KCNH1: variants seen among roughly 807,000 people sequenced by gnomAD.
KCNH1 encodes potassium voltage-gated channel subfamily H member 1.
A neutral mutation model predicts 69.2 loss-of-function variants in KCNH1; 27 were observed. That is an observed-to-expected ratio of 0.39 (90% CI 0.29 to 0.54). The LOEUF (loss-of-function observed/expected upper bound fraction) is 0.54, where lower values mean the gene tolerates loss of function less well. Ranked by LOEUF, KCNH1 falls within the 20% of genes least tolerant of loss-of-function variation. The pLI is 0.68. For missense variants in KCNH1, 798 were observed against 1,261.6 expected (o/e 0.63, Z 5.57); for synonymous variants, 456 against 487.7 (o/e 0.93, Z 0.86).
At position 210,927,016 on chromosome 1, in the gene KCNH1, CAAAGA is replaced by C. The variant is rs552345250; in HGVS notation, c.1033-6952_1033-6948del. Among the ~76,000 whole-genome samples, 691 of 152,004 alleles carry C rather than the reference CAAAGA, an allele frequency of 4.5e-3. 4 individuals are homozygous for C. The highest frequency in any genetic ancestry group is 8.1e-3 in the Non-Finnish European group (550 of 67,928). On this transcript the variant is annotated intron_variant, in intron 6 of 10. Transcript: ENST00000271751. ...TCAAATTAACCCAATCCAACAAAAACAAAGAAAAAAGAATTTTAAAAAATGAACAA... is the reference window on the plus strand; with the variant it reads ...TCAAATTAACCCAATCCAACAAAAACAAAAAGAATTTTAAAAAATGAACAA...
rs975717403 is a variant in KCNH1, at chr1:210,919,974, A to C, written c.1128T>G (p.Ala376=). 1 of 1,614,062 alleles carries C rather than the reference A, an allele frequency of 6.2e-7. No individual in the cohort carries two copies. The highest frequency in any genetic ancestry group is 1.3e-5 in the African/African-American group (1 of 74,926). ...CACACACCAGCAGGACCAGCACAGCAGCTCCATATTCAATGTAGTGGTCCA... is the reference window on the plus strand; with the variant it reads ...CACACACCAGCAGGACCAGCACAGCCGCTCCATATTCAATGTAGTGGTCCA... ...RKLDHYIEYG[A]AVLVLLVCVF... The change falls in exon 7 of 11, where the codon GCT becomes GCG. Residue 376 remains alanine (A), a synonymous_variant. Coordinates refer to ENST00000271751, the MANE Select transcript of KCNH1 (RefSeq NM_172362.3). The surrounding 1 kb of genome is among the most constrained non-coding windows in gnomAD (Gnocchi z 4.2).
At chr1:210,988,650 A>C (rs1282308631) in intron 6 of KCNH1, among the ~76,000 whole-genome samples, 1 of 152,238 alleles carries the variant, frequency 6.6e-6, no homozygotes, top group African/African-American at 2.4e-5. Context: ...ATGACGACTA[A>C]CTTGGGGAAC....
At chr1:210,972,926 C>A (rs866571252) in intron 6 of KCNH1, among the ~76,000 whole-genome samples, 47 of 134,144 alleles carry the variant, frequency 3.5e-4, no homozygotes, top group South Asian at 4.7e-4. Context: ...CCAAACGTCT[C>A]AAAAAAAAAA....
chr1:210,787,035 T>C (rs1050169833), intron 9 of KCNH1, among the ~76,000 whole-genome samples: 3 of 152,192 alleles, frequency 2.0e-5, no homozygotes, highest in Non-Finnish European at 4.4e-5. Flanking sequence ...GTTTCTGTCA[T>C]TCTTCTGCTT....
intron 5 of KCNH1, among the ~76,000 whole-genome samples, chr1:211,023,865 A>C (rs1689633827): frequency 6.6e-6 from 1 of 152,176 alleles, no homozygotes; most frequent in Non-Finnish European, 1.5e-5. Context: ...ATTTGATAGG[A>C]GGAATAAGTG....
intron 10 of KCNH1, among the ~76,000 whole-genome samples, chr1:210,752,708 G>A (rs1332027194): frequency 1.3e-5 from 2 of 152,142 alleles, no homozygotes; most frequent in Non-Finnish European, 2.9e-5. Context: ...GAAAGAGGAA[G>A]AGGAAAGGGA....
At chr1:211,064,119 T>G (rs531090711) in intron 5 of KCNH1, among the ~76,000 whole-genome samples, 54 of 152,236 alleles carry the variant, frequency 3.5e-4, no homozygotes, top group Non-Finnish European at 6.6e-4. Flanking sequence ...CAAAGACTGG[T>G]AACAATCCAA....
At chr1:211,008,576 CT>C (rs1262279382) in intron 6 of KCNH1, among the ~76,000 whole-genome samples, 1 of 152,224 alleles carries the variant, frequency 6.6e-6, no homozygotes, top group African/African-American at 2.4e-5. Flanking sequence ...AGATTACACA[CT>C]GAATCATTCC....
chr1:210,791,471 A>G (rs1400610401), intron 9 of KCNH1, among the ~76,000 whole-genome samples: 2 of 152,190 alleles, frequency 1.3e-5, no homozygotes, highest in Non-Finnish European at 2.9e-5. Context: ...TGCTCAGTCT[A>G]CTTTACTCAT....
At chr1:210,916,225 G>T (rs1487235329) in intron 7 of KCNH1, among the ~76,000 whole-genome samples, 1 of 152,184 alleles carries the variant, frequency 6.6e-6, no homozygotes, top group Non-Finnish European at 1.5e-5. Context: ...ATCAGCAGTT[G>T]TCCTGAACAA....
At position 211,092,197 on chromosome 1, in the gene KCNH1, C is replaced by G. The variant is rs911788515; in HGVS notation, c.311-1507G>C. On this transcript the variant is annotated intron_variant, in intron 3 of 10. Transcript: ENST00000271751. ...CAGAAAACTCACTGAATCTTGGAGA[C>G]GAAAATAGATCCTCAAGAGGTCACC... Among the ~76,000 whole-genome samples, 7 of 152,278 alleles carry G rather than the reference C, an allele frequency of 4.6e-5. No individual in the cohort carries two copies. In the East Asian group the frequency reaches 1.2e-3, roughly 25 times the overall value.
chr1:210,924,153 T>C (rs569885803), intron 6 of KCNH1, among the ~76,000 whole-genome samples: 31 of 152,228 alleles, frequency 2.0e-4, no homozygotes, highest in Non-Finnish European at 4.0e-4. Flanking sequence ...ATTCTCTCCA[T>C]GGCCCTGCCA....
At chr1:210,882,361 A>G (rs1322251728) in intron 7 of KCNH1, among the ~76,000 whole-genome samples, 3 of 152,170 alleles carry the variant, frequency 2.0e-5, no homozygotes, top group Admixed American at 2.0e-4. Flanking sequence ...GGGAGAAAAA[A>G]GTTAAATTCC....
At chr1:210,862,345 C>T in intron 7 of KCNH1, 1 of 692,928 alleles carries the variant, frequency 1.4e-6, no homozygotes, top group Non-Finnish European at 2.7e-6. Flanking sequence ...TAGCACTACT[C>T]ACTGCACACA....
intron 6 of KCNH1, among the ~76,000 whole-genome samples, chr1:210,976,074 T>A (rs1688603415): frequency 6.6e-6 from 1 of 152,120 alleles, no homozygotes; most frequent in Non-Finnish European, 1.5e-5. Context: ...CCAGTTAGAA[T>A]GGCAATCATT....
At chr1:210,969,117 C>T (rs1418641568) in intron 6 of KCNH1, among the ~76,000 whole-genome samples, 1 of 151,898 alleles carries the variant, frequency 6.6e-6, no homozygotes, top group Non-Finnish European at 1.5e-5. Context: ...GGAATAAATT[C>T]AACTTTATTA....
intron 3 of KCNH1, among the ~76,000 whole-genome samples, chr1:211,099,598 C>T (rs1368270157): frequency 6.6e-6 from 1 of 152,186 alleles, no homozygotes; most frequent in Admixed American, 6.5e-5. Flanking sequence ...TCTCCTCCTG[C>T]TCACTCCCTG....
chr1:210,848,182 T>C lies in KCNH1; in HGVS notation c.1463-44016A>G, dbSNP rs981580134. On this transcript the variant is annotated intron_variant, in intron 7 of 10. Transcript: ENST00000271751. ...GTGTCTTATAGATAGTAATACCTTA[T>C]AGGTAGTAGACATTCAATAAATGTT... Among the ~76,000 whole-genome samples the C allele has an allele frequency of 6.6e-5, 10 of 152,358 alleles. No homozygotes were observed. In the South Asian group the frequency reaches 1.2e-3, roughly 19 times the overall value.
intron 5 of KCNH1, among the ~76,000 whole-genome samples, chr1:211,053,010 TA>T (rs1313546053): frequency 1.3e-5 from 2 of 152,188 alleles, no homozygotes; most frequent in Non-Finnish European, 2.9e-5. Flanking sequence ...GTGTAGTTCA[TA>T]AAAAAATAGA....
Sources: gnomAD v4.1 joint callset for allele counts (sites outside exome capture counted in the v4.1 genomes callset) on GRCh38, gnomAD v4.1.1 for gene constraint, Gnocchi (gnomAD v3.1) non-coding constraint, MANE v1.5 for transcripts, NCBI Gene and HGNC (gene_info 2026-07-23, HGNC 2026-07-21) for gene names.